Variants in WAPL observed in about 807,000 individuals in gnomAD.
The protein encoded by WAPL is wings apart-like protein homolog.
In WAPL, 5 loss-of-function variants were observed where a neutral mutation model predicts 121.0. That is an observed-to-expected ratio of 0.04 (90% CI 0.02 to 0.09). WAPL has a LOEUF of 0.09. Among genes scored for constraint, WAPL ranks in the 10% least tolerant of loss-of-function variants. The pLI is 1.00. For synonymous variants in WAPL, 480 were observed against 481.5 expected (o/e 1.00, Z 0.04); for missense variants, 999 against 1,410.8 (o/e 0.71, Z 4.68).
chr10:86,481,780 A>G lies in WAPL; in HGVS notation c.1645-7807T>C, dbSNP rs548962730. Among the ~76,000 whole-genome samples, 4 of 152,276 alleles carry G rather than the reference A, an allele frequency of 2.6e-5. No individual in the cohort carries two copies. The East Asian group carries it at 5.8e-4, about 22-fold the overall frequency. On this transcript the variant is annotated intron_variant, in intron 4 of 18. Coordinates refer to ENST00000298767, the MANE Select transcript of WAPL (RefSeq NM_015045.5). The stretch of plus-strand genomic sequence containing the variant: ...AAGGGTGGGTGACAGACTGGAACAC[A>G]TCTCAGATGAAGTGACCTCATTAAA...
intron 16 of WAPL, among the ~76,000 whole-genome samples, chr10:86,444,749 T>G (rs771792384): frequency 2.0e-5 from 3 of 152,072 alleles, no homozygotes; most frequent in Admixed American, 6.5e-5. Context: ...GAATTAGTGG[T>G]GATGGCAGCA....
In WAPL at chr10:86,437,409, C is replaced by A; in HGVS notation, c.*134G>T. 2.5e-6 allele frequency: 2 copies of A among 810,210 alleles called. No homozygotes were observed. The highest frequency in any genetic ancestry group is 2.1e-5 in the South Asian group (1 of 48,500). The allele number at this position is 810,210 out of a possible 1,614,324, so 50.2% of individuals were successfully genotyped here. ...AATGCATGACGAAGAAATCAGGTGG[C>A]CTTAAAAATCCAAACACGAATGATA... On this transcript the variant is annotated 3_prime_UTR_variant, in exon 19 of 19. Coordinates refer to ENST00000298767, the MANE Select transcript of WAPL (RefSeq NM_015045.5).
At chr10:86,519,701 A>G (rs1264402405) in intron 1 of WAPL, among the ~76,000 whole-genome samples, 2 of 152,336 alleles carry the variant, frequency 1.3e-5, no homozygotes, top group Middle Eastern at 3.4e-3. Context: ...TACCACGGAC[A>G]ACAAAATAAA....
intron 12 of WAPL, 146 bp downstream of exon 12, chr10:86,458,843 T>C: frequency 5.5e-6 from 3 of 547,764 alleles, no homozygotes; most frequent in South Asian, 6.2e-5. Context: ...CTCTTAAAAC[T>C]TTTGTTACAC....
intron 9 of WAPL, among the ~76,000 whole-genome samples, chr10:86,464,674 A>C (rs568598870): frequency 6.6e-6 from 1 of 152,306 alleles, no homozygotes; most frequent in East Asian, 1.9e-4. Flanking sequence ...TCTCTACTAA[A>C]AATACAAGAA....
chr10:86,442,287 C>T (rs1235085515), intron 17 of WAPL, among the ~76,000 whole-genome samples: 1 of 152,204 alleles, frequency 6.6e-6, no homozygotes, highest in Non-Finnish European at 1.5e-5. Flanking sequence ...CCATCTCAGC[C>T]TCCCAAAGTG....
At chr10:86,469,750 G>A (rs1279517231) in intron 8 of WAPL, among the ~76,000 whole-genome samples, 1 of 152,136 alleles carries the variant, frequency 6.6e-6, no homozygotes, top group African/African-American at 2.4e-5. Flanking sequence ...ATCAGACCAG[G>A]TGTCTGATTA....
At chr10:86,443,621 C>T in intron 16 of WAPL, 1 of 425,498 alleles carries the variant, frequency 2.4e-6, no homozygotes, top group Non-Finnish European at 4.2e-6. Context: ...AAGATTAATC[C>T]ACAGAATGAG....
intron 2 of WAPL, among the ~76,000 whole-genome samples, chr10:86,504,928 C>G (rs912988173): frequency 5.3e-5 from 8 of 152,056 alleles, no homozygotes; most frequent in African/African-American, 1.9e-4. Context: ...TATATATAAA[C>G]TAACTGAAAA....
At chr10:86,456,263 A>G (rs1204776259) in intron 12 of WAPL, among the ~76,000 whole-genome samples, 1 of 152,206 alleles carries the variant, frequency 6.6e-6, no homozygotes, top group African/African-American at 2.4e-5. Context: ...AATGGTGTCC[A>G]AAGTTGCAAA....
At chr10:86,466,467 G>A (rs866298128) in intron 9 of WAPL, among the ~76,000 whole-genome samples, 1 of 152,082 alleles carries the variant, frequency 6.6e-6, no homozygotes, top group Non-Finnish European at 1.5e-5. Flanking sequence ...CTACTTGGGG[G>A]GCTGAGGTGG....
intron 12 of WAPL, among the ~76,000 whole-genome samples, chr10:86,455,652 C>T (rs1197344860): frequency 1.4e-5 from 2 of 138,780 alleles, no homozygotes; most frequent in Non-Finnish European, 3.1e-5. Flanking sequence ...TCCCCCTCTC[C>T]GAGAAACACC....
At chr10:86,502,729 T>C (rs1842269322) in intron 2 of WAPL, among the ~76,000 whole-genome samples, 1 of 152,224 alleles carries the variant, frequency 6.6e-6, no homozygotes, top group African/African-American at 2.4e-5. Context: ...AAACCCATCA[T>C]TACACAGATG....
At chr10:86,500,835 C>A (rs1359558669) in intron 2 of WAPL, 92 bp from the exon 3 acceptor site, 1 of 1,062,422 alleles carries the variant, frequency 9.4e-7, no homozygotes, top group East Asian at 2.6e-5. Flanking sequence ...AGTATATGAT[C>A]AATCTTGGAA....
chr10:86,463,722 C>A (rs1302264666), intron 9 of WAPL, among the ~76,000 whole-genome samples: 1 of 152,220 alleles, frequency 6.6e-6, no homozygotes, highest in Admixed American at 6.5e-5. Flanking sequence ...CTGACTTACA[C>A]AGAGCAACTT....
At chr10:86,447,184 CT>C (rs141700693) in intron 15 of WAPL, among the ~76,000 whole-genome samples, 2,153 of 152,326 alleles carry the variant, frequency 0.014, 29 homozygotes, top group Non-Finnish European at 0.025. Flanking sequence ...GATTATGTCA[CT>C]GCTCTAACAG....
At chr10:86,456,999 T>C (rs943493917) in intron 12 of WAPL, among the ~76,000 whole-genome samples, 1 of 152,180 alleles carries the variant, frequency 6.6e-6, no homozygotes, top group African/African-American at 2.4e-5. Flanking sequence ...GCACCTGTCA[T>C]ATCAAATACT....
intron 17 of WAPL, among the ~76,000 whole-genome samples, chr10:86,441,718 TG>T (rs1366766768): frequency 2.0e-5 from 3 of 151,666 alleles, no homozygotes; most frequent in Admixed American, 6.6e-5. Context: ...AAGAGAGAAA[TG>T]GGGTGGGCAC....
chr10:86,513,909 T>C (rs567397040), intron 2 of WAPL, among the ~76,000 whole-genome samples: 1 of 152,280 alleles, frequency 6.6e-6, no homozygotes, highest in South Asian at 2.1e-4. Context: ...GGTTTTTAAA[T>C]AAAATGCCTA....
Sources: gnomAD v4.1 joint callset for allele counts (sites outside exome capture counted in the v4.1 genomes callset) on GRCh38, gnomAD v4.1.1 for gene constraint, MANE v1.5 for transcripts, NCBI Gene and HGNC (gene_info 2026-07-23, HGNC 2026-07-21) for gene names.